The following ARHGEF6 variants were observed in gnomAD, a reference collection of about 807,000 sequenced individuals.
The protein encoded by ARHGEF6 is rho guanine nucleotide exchange factor 6.
ARHGEF6 carries 9 observed loss-of-function variants against 70.3 expected under a neutral mutation model. That is an observed-to-expected ratio of 0.13 (90% CI 0.08 to 0.22). The LOEUF (loss-of-function observed/expected upper bound fraction) is 0.22, where lower values mean the gene tolerates loss of function less well. Among genes scored for constraint, ARHGEF6 ranks in the 10% least tolerant of loss-of-function variants. The pLI, the probability that ARHGEF6 is intolerant of heterozygous loss-of-function variation, is 1.00. For synonymous variants in ARHGEF6, 201 were observed against 207.8 expected, an observed-to-expected ratio of 0.97 and a Z score of 0.28; for missense variants, 470 against 563.0, an observed-to-expected ratio of 0.83 and a Z score of 1.67.
intron 6 of ARHGEF6, among the ~76,000 whole-genome samples, chrX:136,719,148 G>T (rs2076770429): frequency 9.2e-6 from 1 of 108,956 alleles, no homozygotes; most frequent in African/African-American, 3.3e-5. Flanking sequence ...GGACATACTA[G>T]AACTCAATAG....
intron 2 of ARHGEF6, among the ~76,000 whole-genome samples, chrX:136,774,551 T>G: frequency 9.5e-6 from 1 of 105,087 alleles, no homozygotes. Context: ...CTTGAGAGGC[T>G]GAGGCATGAG....
intron 10 of ARHGEF6, among the ~76,000 whole-genome samples, chrX:136,689,814 T>A (rs950512835): frequency 2.7e-5 from 3 of 111,136 alleles, no homozygotes; most frequent in Non-Finnish European, 5.7e-5. Flanking sequence ...CAGCAGGCCC[T>A]CCTCTCCCAC....
chrX:136,751,939 C>T (rs746752817), intron 2 of ARHGEF6, among the ~76,000 whole-genome samples: 2 of 111,347 alleles, frequency 1.8e-5, no homozygotes, highest in South Asian at 3.8e-4. Flanking sequence ...CCCCATTCCA[C>T]GGATGAGTAA....
At chrX:136,701,013 A>T (rs923096715) in intron 9 of ARHGEF6, among the ~76,000 whole-genome samples, 1 of 112,230 alleles carries the variant, frequency 8.9e-6, no homozygotes, top group African/African-American at 3.2e-5. Context: ...TCTAACAAAT[A>T]GGCTAAACAT....
intron 2 of ARHGEF6, among the ~76,000 whole-genome samples, chrX:136,773,599 C>T (rs1233967034): frequency 8.9e-6 from 1 of 112,198 alleles, no homozygotes; most frequent in Non-Finnish European, 1.9e-5. Context: ...AGAACATTAC[C>T]GAGTAATAAC....
intron 19 of ARHGEF6, among the ~76,000 whole-genome samples, chrX:136,673,556 T>C (rs2076247429): frequency 9.0e-6 from 1 of 111,722 alleles, no homozygotes; most frequent in Admixed American, 9.4e-5. Flanking sequence ...CCATCCACTC[T>C]GTCAAATATA....
At chrX:136,732,237 G>A (rs2076943125) in intron 5 of ARHGEF6, 65 bp from the exon 6 acceptor site, 2 of 837,019 alleles carry the variant, frequency 2.4e-6, no homozygotes, top group Non-Finnish European at 3.5e-6. Context: ...TTTATAACAT[G>A]GGTCAACTAA....
intron 2 of ARHGEF6, among the ~76,000 whole-genome samples, chrX:136,773,041 A>G (rs2077375040): frequency 9.0e-6 from 1 of 111,367 alleles, no homozygotes; most frequent in Non-Finnish European, 1.9e-5. Context: ...GAACACACAG[A>G]TGGGGGTTAC....
chrX:136,675,552 C>T (rs779209556), intron 18 of ARHGEF6, among the ~76,000 whole-genome samples: 14 of 110,106 alleles, frequency 1.3e-4, no homozygotes, highest in East Asian at 2.8e-4. Context: ...GTCTTACACT[C>T]TTGCCCAGGC....
At chrX:136,770,289 A>G (rs1034666106) in intron 2 of ARHGEF6, among the ~76,000 whole-genome samples, 2 of 112,782 alleles carry the variant, frequency 1.8e-5, no homozygotes, top group Non-Finnish European at 1.9e-5. Flanking sequence ...GCATACAAAT[A>G]TAATAACAAA....
chrX:136,711,883 A>G (rs1351630213), intron 7 of ARHGEF6, among the ~76,000 whole-genome samples: 1 of 112,086 alleles, frequency 8.9e-6, no homozygotes, highest in Non-Finnish European at 1.9e-5. Context: ...TGGCCCAAAA[A>G]ACACTTTGTT....
In ARHGEF6 at chrX:136,750,787, C is replaced by A. The variant is rs2077141928; in HGVS notation, c.250-3195G>T. 2.9e-5 allele frequency among the ~76,000 whole-genome samples: 3 copies of A among 105,252 alleles called. No individual in the cohort carries two copies. In the Middle Eastern group the frequency reaches 0.015, roughly 543 times the overall value. 91.4% of individuals were successfully genotyped at this position (105,252 alleles called of 115,157 possible). On this transcript the variant is annotated intron_variant, in intron 2 of 21. Coordinates refer to ENST00000250617, the MANE Select transcript of ARHGEF6 (RefSeq NM_004840.3). ...GCCAACCTAAGTTGCATTCCTACAT[C>A]AGTAGATGAAATCAAACTTTTTTTT...
intron 2 of ARHGEF6, among the ~76,000 whole-genome samples, chrX:136,749,647 C>T (rs2077131193): frequency 8.9e-6 from 1 of 111,737 alleles, no homozygotes; most frequent in African/African-American, 3.3e-5. Flanking sequence ...ATGAAATGTG[C>T]ATCAAGAAGA....
At chrX:136,777,904 A>G (rs1213809154) in intron 2 of ARHGEF6, among the ~76,000 whole-genome samples, 1 of 110,375 alleles carries the variant, frequency 9.1e-6, no homozygotes, top group African/African-American at 3.3e-5. Flanking sequence ...ACCAAACATC[A>G]TATGTTCTCA....
intron 11 of ARHGEF6, 32 bp from the exon 12 acceptor site, chrX:136,685,855 G>A: frequency 1.7e-6 from 2 of 1,203,003 alleles, no homozygotes; most frequent in East Asian, 3.0e-5. Flanking sequence ...TAATGGAATA[G>A]GAATTCTTAT....
chrX:136,670,700 A>G (rs1162303075), intron 20 of ARHGEF6, among the ~76,000 whole-genome samples: 2 of 111,704 alleles, frequency 1.8e-5, no homozygotes, highest in Admixed American at 1.9e-4. Context: ...CTATCATATA[A>G]TGAGAGGTAT....
At position 136,747,545 on chromosome X, in the gene ARHGEF6, T is replaced by C. The variant is rs768800878; in HGVS notation, c.297A>G (p.Val99=). 8.3e-6 allele frequency: 10 copies of C among 1,209,106 alleles called. No individual in the cohort carries two copies. Among genetic ancestry groups the C allele is most frequent in the Non-Finnish European group, 1.1e-5 (10 of 893,951 alleles). Residue 99 remains valine, a synonymous_variant, in exon 3 of 22, where the codon GTA becomes GTG. Coordinates refer to ENST00000250617, the MANE Select transcript of ARHGEF6 (RefSeq NM_004840.3). ...TGTTGACAGCTAAAAGAGTACTCAG[T>C]ACCTTGGAGAAATTGACCCCTGAAT... ...DLYSGVNFSK[V]LSTLLAVNKA... is the part of the protein sequence containing the mutation.
At chrX:136,713,127 T>C (rs983667469) in intron 7 of ARHGEF6, 149 bp downstream of exon 7, 16 of 488,301 alleles carry the variant, frequency 3.3e-5, no homozygotes, top group Non-Finnish European at 5.8e-5. Flanking sequence ...GCATAATTTC[T>C]GTTGCCCTGA....
rs1165754336 is a variant in ARHGEF6 at position 136,667,297 on chromosome X, G to C, written c.*732C>G. 1 of 112,475 alleles carries C rather than the reference G, an allele frequency of 8.9e-6. No homozygotes were observed. The highest frequency in any genetic ancestry group is 1.9e-5 in the Non-Finnish European group (1 of 53,336). 9.3% of individuals were successfully genotyped at this position (112,475 alleles called of 1,213,427 possible). On this transcript the variant is annotated 3_prime_UTR_variant, in exon 22 of 22. Transcript: ENST00000250617. ...CCAGTAGAATTTGCTGATGGATTTGGTGTTGGTGTGGGTGACCAGAGCTTC... is the reference window on the plus strand; with the variant it reads ...CCAGTAGAATTTGCTGATGGATTTGCTGTTGGTGTGGGTGACCAGAGCTTC...
Sources: gnomAD v4.1 joint callset for allele counts (sites outside exome capture counted in the v4.1 genomes callset) on GRCh38, gnomAD v4.1.1 for gene constraint, MANE v1.5 for transcripts, NCBI Gene and HGNC (gene_info 2026-07-23, HGNC 2026-07-21) for gene names.